The following DIXDC1 variants were observed in gnomAD, a reference collection of about 807,000 sequenced individuals.
DIXDC1 encodes DIX domain containing 1, also known as dixin.
Under a neutral mutation model 103.1 loss-of-function variants are expected in DIXDC1, and 64 were observed. The ratio of observed to expected loss-of-function variants is 0.62; its 90% CI spans 0.51 to 0.76. The LOEUF (loss-of-function observed/expected upper bound fraction) is 0.76, where lower values mean the gene tolerates loss of function less well. Among genes scored for constraint, DIXDC1 ranks in the 30% least tolerant of loss-of-function variants. DIXDC1 has a pLI of 0.00. For missense variants in DIXDC1, 759 were observed against 834.2 expected (o/e 0.91, Z 1.11); for synonymous variants, 266 against 298.5 (o/e 0.89, Z 1.12).
chr11:112,018,907 G>A, intron 19 of DIXDC1, 49 bp from the exon 20 acceptor site: 1 of 1,519,154 alleles, frequency 6.6e-7, no homozygotes, highest in Middle Eastern at 1.9e-4. Context: ...ATTGTTTAGT[G>A]AATCAGATTC....
intron 1 of DIXDC1, among the ~76,000 whole-genome samples, chr11:111,955,512 A>G (rs1966893844): frequency 6.6e-6 from 1 of 152,006 alleles, no homozygotes; most frequent in African/African-American, 2.4e-5. Flanking sequence ...CAGCAGTTCC[A>G]CTTCTGGGTA....
In DIXDC1 at chr11:111,950,418, A is replaced by G. The variant is rs1555169799; in HGVS notation, c.60+12859A>G. Among the ~76,000 whole-genome samples, 3 of 16,740 alleles carry G rather than the reference A, an allele frequency of 1.8e-4. 1 individual carries two copies. Among genetic ancestry groups the G allele is most frequent in the African/African-American group, 1.0e-3 (3 of 2,930 alleles). The allele number at this position is 16,740 out of a possible 152,430, so 11.0% of individuals were successfully genotyped here. A position where few individuals can be genotyped will look rare whatever the true frequency, so the allele number is the denominator to read the frequency against. On this transcript the variant is annotated intron_variant, in intron 1 of 19. Transcript: ENST00000440460. ...TTGTGGGTACAAAGTAGGTATATAT[A>G]TATATATATATATATATATATTTTT...
chr11:111,928,703 G>A (rs1304197533), intron 1 of DIXDC1, among the ~76,000 whole-genome samples: 4 of 151,674 alleles, frequency 2.6e-5, no homozygotes, highest in Non-Finnish European at 5.9e-5. Flanking sequence ...GCGAGGCTGC[G>A]GTGAGCTGAG....
At chr11:111,985,672 A>G (rs1489353759) in intron 8 of DIXDC1, among the ~76,000 whole-genome samples, 1 of 151,948 alleles carries the variant, frequency 6.6e-6, no homozygotes, top group Non-Finnish European at 1.5e-5. Flanking sequence ...CTAGGCCCTC[A>G]TGTGTCTTAA....
chr11:111,941,837 TACACACACACAC>T (rs10635444), intron 1 of DIXDC1, among the ~76,000 whole-genome samples: 16 of 139,188 alleles, frequency 1.1e-4, no homozygotes, highest in African/African-American at 3.9e-4. Context: ...CGAAACAAAA[TACACACACACAC>T]ACACACACAC....
At chr11:111,978,605 A>G (rs1249308313) in intron 5 of DIXDC1, among the ~76,000 whole-genome samples, 1 of 151,310 alleles carries the variant, frequency 6.6e-6, no homozygotes, top group East Asian at 1.9e-4. Context: ...ATGGGAGATA[A>G]CTCTTAGGAA....
At chr11:111,939,064 T>A (rs1322894876) in intron 1 of DIXDC1, among the ~76,000 whole-genome samples, 4 of 152,260 alleles carry the variant, frequency 2.6e-5, no homozygotes, top group Non-Finnish European at 5.9e-5. Flanking sequence ...TTTAGCTGCG[T>A]AAGTCTGACT....
intron 2 of DIXDC1, among the ~76,000 whole-genome samples, chr11:111,931,481 A>G (rs1270028279): frequency 1.3e-5 from 2 of 151,962 alleles, no homozygotes; most frequent in Admixed American, 6.6e-5. Flanking sequence ...CATCTTTACT[A>G]AAAAAACAAA....
intron 8 of DIXDC1, among the ~76,000 whole-genome samples, chr11:111,985,770 C>G (rs1243098929): frequency 5.3e-5 from 8 of 152,066 alleles, no homozygotes; most frequent in Non-Finnish European, 1.0e-4. Flanking sequence ...TCAGCTCTTG[C>G]TATGGATTTC....
rs1470340648 is a variant in DIXDC1, at chr11:112,020,786, T to C, written c.*1750T>C. Reference sequence around the variant, plus strand: ...GAGCTCAAAAGATACTTGATGTCTTTCATGTAAGTTTACCTGGTCTTTTCC... The same window carrying C: ...GAGCTCAAAAGATACTTGATGTCTTCCATGTAAGTTTACCTGGTCTTTTCC... On this transcript the variant is annotated 3_prime_UTR_variant, in exon 20 of 20. Transcript: ENST00000440460. The C allele has an allele frequency of 6.6e-6, 1 of 152,264 alleles. No homozygotes were observed. The highest frequency in any genetic ancestry group is 1.5e-5 in the Non-Finnish European group (1 of 68,046). The allele number at this position is 152,264 out of a possible 1,614,324, so 9.4% of individuals were successfully genotyped here. A position where few individuals can be genotyped will look rare whatever the true frequency, so the allele number is the denominator to read the frequency against.
intron 1 of DIXDC1, among the ~76,000 whole-genome samples, chr11:111,955,833 CAAAAAAAAAAAAAAAA>C (rs781822030): frequency 2.3e-4 from 4 of 17,660 alleles, no homozygotes; most frequent in African/African-American, 4.1e-4. Context: ...GACTCTAGCT[CAAAAAAAAAAAAAAAA>C]AAAAAAAAAA....
At chr11:111,943,161 G>T (rs1176750789) in intron 1 of DIXDC1, among the ~76,000 whole-genome samples, 3 of 152,144 alleles carry the variant, frequency 2.0e-5, no homozygotes, top group African/African-American at 7.2e-5. Flanking sequence ...TTTTGAGACA[G>T]TGTCTCACTC....
At chr11:111,963,400 C>T (rs374962235) in intron 1 of DIXDC1, among the ~76,000 whole-genome samples, 17 of 152,234 alleles carry the variant, frequency 1.1e-4, no homozygotes, top group African/African-American at 3.9e-4. Flanking sequence ...GTCTTCCAAA[C>T]GATGTTATTT....
At position 112,018,953 on chromosome 11, in the gene DIXDC1, T is replaced by C. The variant is rs1555178095; in HGVS notation, c.1972-3T>C. The C allele has an allele frequency of 3.1e-6, 5 of 1,613,174 alleles. No individual in the cohort carries two copies. In the South Asian group the frequency reaches 3.3e-5, roughly 11 times the overall value. On this transcript the variant is annotated splice_polypyrimidine_tract_variant and splice_region_variant and intron_variant, in intron 19 of 19. Transcript: ENST00000440460. ...CACTGTGGCTTTTTGTTTTTTTCTCTAGATTTTCCATGATGATGATGCCAT... is the reference window on the plus strand; with the variant it reads ...CACTGTGGCTTTTTGTTTTTTTCTCCAGATTTTCCATGATGATGATGCCAT...
intron 2 of DIXDC1, among the ~76,000 whole-genome samples, chr11:111,932,135 A>G (rs1254212425): frequency 7.1e-6 from 1 of 141,742 alleles, no homozygotes; most frequent in Non-Finnish European, 1.5e-5. Flanking sequence ...GGTTTGAGTG[A>G]TTTTCCCACC....
In DIXDC1 at chr11:111,992,459, T is replaced by A; in HGVS notation, c.1158T>A (p.Leu386=). The change falls in exon 11 of 20, where the codon CTT becomes CTA. Residue 386 remains leucine, a synonymous_variant. Transcript: ENST00000440460. The part of the protein sequence containing the change: ...QRLTQQDTSV[L]QLKQELLRAN... ...TGACTCAGCAGGACACATCTGTTCT[T>A]CAGCTCAAACAAGAGCTACTGAGGG... 6.3e-7 allele frequency: 1 copy of A among 1,583,942 alleles called. No individual in the cohort carries two copies. Among genetic ancestry groups the A allele is most frequent in the Non-Finnish European group, 8.6e-7 (1 of 1,164,500 alleles).
intron 17 of DIXDC1, among the ~76,000 whole-genome samples, chr11:112,013,326 G>GA (rs1566582166): frequency 8.4e-5 from 10 of 118,874 alleles, no homozygotes; most frequent in Non-Finnish European, 1.5e-4. Flanking sequence ...GGGGGTGGGG[G>GA]TGGGGTGGGG....
chr11:111,980,080 A>G (rs952367455), intron 5 of DIXDC1, among the ~76,000 whole-genome samples: 5 of 152,210 alleles, frequency 3.3e-5, no homozygotes, highest in Admixed American at 6.5e-5. Flanking sequence ...TTACTCCACT[A>G]TTCCTAGCAG....
At chr11:111,929,931 T>C (rs1555167501) in intron 2 of DIXDC1, 12 of 1,534,160 alleles carry the variant, frequency 7.8e-6, no homozygotes, top group Non-Finnish European at 1.0e-5. Context: ...GGTGTACTAT[T>C]GTGAAAAGCG....
Sources: gnomAD v4.1 joint callset for allele counts (sites outside exome capture counted in the v4.1 genomes callset) on GRCh38, gnomAD v4.1.1 for gene constraint, MANE v1.5 for transcripts, NCBI Gene and HGNC (gene_info 2026-07-23, HGNC 2026-07-21) for gene names.